Variants in ANKRD42 observed in about 807,000 individuals in gnomAD.
ANKRD42 encodes the protein ankyrin repeat domain 42.
A neutral mutation model predicts 51.5 loss-of-function variants in ANKRD42; 43 were observed. The observed-to-expected ratio is 0.83, with a 90% CI of 0.65 to 1.08. ANKRD42 has a LOEUF of 1.08. Ranked by LOEUF, ANKRD42 falls within the 50% of genes least tolerant of loss-of-function variation. The pLI is 0.00. For synonymous variants in ANKRD42, 203 were observed against 213.0 expected, an observed-to-expected ratio of 0.95 and a Z score of 0.41; for missense variants, 608 against 629.3, an observed-to-expected ratio of 0.97 and a Z score of 0.36.
At chr11:83,229,301 C>T (rs1400932296) in intron 7 of ANKRD42, among the ~76,000 whole-genome samples, 1 of 151,980 alleles carries the variant, frequency 6.6e-6, no homozygotes, top group Non-Finnish European at 1.5e-5. Context: ...CTTTAAAGGC[C>T]CTATCTCCAA....
Position 83,242,573 on chromosome 11 carries a change from T to TTTTTGTTTG in ANKRD42, c.1195+1643_1195+1644insGTTTGTTTT, listed in dbSNP as rs1565196074. Among the ~76,000 whole-genome samples, 4 of 144,360 alleles carry TTTTTGTTTG rather than the reference T, an allele frequency of 2.8e-5. 1 individual carries two copies. Among genetic ancestry groups the TTTTTGTTTG allele is most frequent in the Non-Finnish European group, 6.1e-5 (4 of 65,504 alleles). 94.7% of individuals were successfully genotyped at this position (144,360 alleles called of 152,430 possible). The stretch of plus-strand genomic sequence containing the variant: ...TTCGGTGAATGGTAGTTAAGTTTTT[T>TTTTTGTTTG]TTTTTTTTTTTTAGATGGAGTCTCA... On this transcript the variant is annotated intron_variant, in intron 9 of 10. Coordinates refer to ENST00000533342, the MANE Select transcript of ANKRD42 (RefSeq NM_001300975.2).
chr11:83,196,609 C>T (rs1220846141), intron 1 of ANKRD42, among the ~76,000 whole-genome samples: 1 of 152,202 alleles, frequency 6.6e-6, no homozygotes, highest in Non-Finnish European at 1.5e-5. Flanking sequence ...TGTGCTTCCA[C>T]AGGTTCCTAT....
At position 83,248,456 on chromosome 11, in the gene ANKRD42, A is replaced by C. The variant is rs1249734516; in HGVS notation, c.*252A>C. 5.5e-5 allele frequency: 63 copies of C among 1,155,074 alleles called. No individual in the cohort carries two copies. The highest frequency in any genetic ancestry group is 6.4e-5 in the Non-Finnish European group (60 of 940,694). The allele number at this position is 1,155,074 out of a possible 1,614,324, so 71.6% of individuals were successfully genotyped here. A position where few individuals can be genotyped will look rare whatever the true frequency, so the allele number is the denominator to read the frequency against. On this transcript the variant is annotated 3_prime_UTR_variant, in exon 11 of 11. Coordinates refer to ENST00000533342, the MANE Select transcript of ANKRD42 (RefSeq NM_001300975.2). ...TACCATAGAAGGAGAAAATGTTTTCATAAGTAATCAATCAGAATTCTAAGA... is the reference window on the plus strand; with the variant it reads ...TACCATAGAAGGAGAAAATGTTTTCCTAAGTAATCAATCAGAATTCTAAGA...
chr11:83,223,449 A>T (rs1057292442), intron 5 of ANKRD42, among the ~76,000 whole-genome samples: 2 of 152,158 alleles, frequency 1.3e-5, no homozygotes, highest in Admixed American at 6.5e-5. Context: ...TGAAGGAGCC[A>T]GTAAAATTTG....
chr11:83,249,084 G>A, downstream of ANKRD42: 1 of 726,050 alleles, frequency 1.4e-6, no homozygotes, highest in Non-Finnish European at 1.7e-6. Flanking sequence ...AGGGCTAGAG[G>A]ACACAGCACC....
chr11:83,210,939 A>T (rs1565181057), intron 4 of ANKRD42, among the ~76,000 whole-genome samples: 1 of 152,242 alleles, frequency 6.6e-6, no homozygotes, highest in Non-Finnish European at 1.5e-5. Context: ...TTTGAGAAAG[A>T]GTGAAAACTT....
downstream of ANKRD42, chr11:83,260,344 C>T (rs1863871878): frequency 6.6e-6 from 1 of 152,040 alleles, no homozygotes; most frequent in African/African-American, 2.4e-5. Context: ...TGAACAAATG[C>T]AGTATACTTT....
intron 7 of ANKRD42, among the ~76,000 whole-genome samples, chr11:83,231,905 C>A (rs776349184): frequency 7.3e-5 from 11 of 150,326 alleles, no homozygotes; most frequent in Non-Finnish European, 1.5e-4. Flanking sequence ...GTCTATTAGT[C>A]GGGCATGATG....
chr11:83,210,342 C>G lies in ANKRD42; in HGVS notation c.373C>G (p.Arg125Gly), dbSNP rs764888146. Residue 125 changes from arginine to glycine, a missense_variant, in exon 4 of 11, where the codon CGG (arginine) becomes GGG (glycine). By Grantham distance (125) the Arg-to-Gly change is moderately radical. Coordinates refer to ENST00000533342, the MANE Select transcript of ANKRD42 (RefSeq NM_001300975.2). ...AGCAAATCTGACAGCCCAGGATGAC[C>G]GGGGATGCACTCCTTTACATCTTGC... ...NGANLTAQDD[R>G]GCTPLHLAAT... The G allele has an allele frequency of 1.2e-6, 2 of 1,613,870 alleles. No individual in the cohort carries two copies. Among genetic ancestry groups the G allele is most frequent in the Non-Finnish European group, 1.7e-6 (2 of 1,179,818 alleles).
chr11:83,261,873 C>T, downstream of ANKRD42: 1 of 1,495,598 alleles, frequency 6.7e-7, no homozygotes, highest in Non-Finnish European at 9.2e-7. Context: ...GTTTGGTGTT[C>T]TAAGAAGCCA....
intron 5 of ANKRD42, among the ~76,000 whole-genome samples, chr11:83,223,312 G>T (rs1018161380): frequency 2.0e-5 from 3 of 152,200 alleles, no homozygotes; most frequent in Admixed American, 6.5e-5. Flanking sequence ...TGAGGGTGCG[G>T]TAGTGGCATG....
At chr11:83,253,091 C>A (rs1465217130), downstream of ANKRD42, among the ~76,000 whole-genome samples, 2 of 152,210 alleles carry the variant, frequency 1.3e-5, no homozygotes, top group African/African-American at 4.8e-5. Context: ...TTTCTACCTA[C>A]AAAGGTCTGG....
chr11:83,247,043 C>G (rs938780079), intron 10 of ANKRD42, among the ~76,000 whole-genome samples: 1 of 151,574 alleles, frequency 6.6e-6, no homozygotes, highest in Non-Finnish European at 1.5e-5. Flanking sequence ...CAGGAGCTTT[C>G]TTGGTATCTC....
chr11:83,250,679 TAAA>T (rs994296674), downstream of ANKRD42, among the ~76,000 whole-genome samples: 1 of 151,408 alleles, frequency 6.6e-6, no homozygotes, highest in Non-Finnish European at 1.5e-5. Context: ...GTGCTTGAAT[TAAA>T]AAAAAATGTC....
At chr11:83,262,354 G>A (rs1565205501), downstream of ANKRD42, among the ~76,000 whole-genome samples, 1 of 152,026 alleles carries the variant, frequency 6.6e-6, no homozygotes, top group Non-Finnish European at 1.5e-5. Flanking sequence ...ATATCTGTGA[G>A]AAGAGAATTT....
chr11:83,231,851 T>G (rs368367230), intron 7 of ANKRD42, among the ~76,000 whole-genome samples: 1 of 152,306 alleles, frequency 6.6e-6, no homozygotes, highest in East Asian at 1.9e-4. Context: ...TCTTAGCATC[T>G]TTGTCAAAAA....
intron 5 of ANKRD42, chr11:83,214,250 T>C: frequency 1.0e-5 from 2 of 194,758 alleles, no homozygotes; most frequent in South Asian, 3.5e-4. Context: ...TAGTCCTTTC[T>C]GTACTTTCCC....
intron 2 of ANKRD42, among the ~76,000 whole-genome samples, chr11:83,200,195 C>T (rs1861814372): frequency 6.6e-6 from 1 of 152,070 alleles, no homozygotes; most frequent in Non-Finnish European, 1.5e-5. Context: ...TTCTGGTGCC[C>T]TTTCAGCTTC....
intron 2 of ANKRD42, among the ~76,000 whole-genome samples, chr11:83,204,134 G>T (rs1445869968): frequency 1.3e-5 from 2 of 152,008 alleles, no homozygotes; most frequent in Non-Finnish European, 2.9e-5. Flanking sequence ...GTAGAGACAG[G>T]GTTTCACCAT....
Sources: gnomAD v4.1 joint callset for allele counts (sites outside exome capture counted in the v4.1 genomes callset) on GRCh38, gnomAD v4.1.1 for gene constraint, MANE v1.5 for transcripts, NCBI Gene and HGNC (gene_info 2026-07-23, HGNC 2026-07-21) for gene names.